Variants in ADAM28 observed in about 807,000 individuals in gnomAD.
ADAM28 encodes the protein disintegrin and metalloproteinase domain-containing protein 28.
Under a neutral mutation model 101.2 loss-of-function variants are expected in ADAM28, and 105 were observed. That is an observed-to-expected ratio of 1.04 (90% CI 0.89 to 1.22). The LOEUF (loss-of-function observed/expected upper bound fraction) is 1.22, where lower values mean the gene tolerates loss of function less well. Among genes scored for constraint, ADAM28 ranks in the 50% most tolerant of loss-of-function variants. The pLI is 0.00. For synonymous variants in ADAM28, 322 were observed against 310.6 expected, an observed-to-expected ratio of 1.04 and a Z score of -0.39; for missense variants, 1,028 against 945.4, an observed-to-expected ratio of 1.09 and a Z score of -1.15.
At chr8:24,352,378 C>T (rs12676485) in intron 21 of ADAM28, among the ~76,000 whole-genome samples, 47,283 of 152,090 alleles carry the variant, frequency 0.31, 8,658 homozygotes, top group Admixed American at 0.42. Flanking sequence ...ATTCTGGAGA[C>T]TGGGAAGTCC....
intron 16 of ADAM28, among the ~76,000 whole-genome samples, chr8:24,342,558 TC>T (rs929903237): frequency 1.3e-5 from 2 of 152,208 alleles, no homozygotes; most frequent in African/African-American, 4.8e-5. Context: ...TTAAACTTAT[TC>T]TTTTCCCCCA....
chr8:24,350,495 G>A (rs558404820), intron 19 of ADAM28, among the ~76,000 whole-genome samples: 1 of 152,120 alleles, frequency 6.6e-6, no homozygotes, highest in East Asian at 1.9e-4. Context: ...ATTTTTAGTA[G>A]AGATGGGGTT....
chr8:24,348,347 A>T (rs1166851036), intron 18 of ADAM28, among the ~76,000 whole-genome samples: 1 of 152,112 alleles, frequency 6.6e-6, no homozygotes, highest in African/African-American at 2.4e-5. Flanking sequence ...CTCACCATCA[A>T]CATCCCCCAT....
At position 24,331,286 on chromosome 8, in the gene ADAM28, T is replaced by G; in HGVS notation, c.1240T>G (p.Leu414Val). ...IISTPICGNQ[L>V]VEMGEDCDCG... is the part of the protein sequence containing the mutation. Reference sequence around the variant, plus strand: ...ATCCACTCCAATTTGTGGGAACCAGTTGGTGGAAATGGGAGAGGACTGTGA... The same window carrying G: ...ATCCACTCCAATTTGTGGGAACCAGGTGGTGGAAATGGGAGAGGACTGTGA... Residue 414 changes from leucine (L) to valine (V), a missense_variant, in exon 12 of 23, where the codon TTG becomes GTG. By Grantham distance (32) the Leu-to-Val change is conservative. Coordinates refer to ENST00000265769, the MANE Select transcript of ADAM28 (RefSeq NM_014265.6). The G allele has an allele frequency of 6.2e-7, 1 of 1,612,636 alleles. No individual in the cohort carries two copies. The highest frequency in any genetic ancestry group is 8.5e-7 in the Non-Finnish European group (1 of 1,179,282).
intron 18 of ADAM28, among the ~76,000 whole-genome samples, chr8:24,345,122 A>G (rs962667510): frequency 1.3e-5 from 2 of 151,322 alleles, no homozygotes; most frequent in Non-Finnish European, 2.9e-5. Context: ...AAATGCTTTT[A>G]GAATTAATTA....
At chr8:24,323,184 A>G (rs10090146) in intron 8 of ADAM28, among the ~76,000 whole-genome samples, 5,442 of 151,916 alleles carry the variant, frequency 0.036, 339 homozygotes, top group African/African-American at 0.12. Flanking sequence ...TGGTAGAAAG[A>G]ACAAAGCAAT....
intron 6 of ADAM28, among the ~76,000 whole-genome samples, chr8:24,318,488 A>G (rs1199501339): frequency 6.6e-6 from 1 of 151,870 alleles, no homozygotes; most frequent in Non-Finnish European, 1.5e-5. Flanking sequence ...TGGCCATCAG[A>G]CGTTTATCTC....
Position 24,339,465 on chromosome 8 carries a change from G to C in ADAM28, c.1568-1G>C, listed in dbSNP as rs199831427. The C allele has an allele frequency of 4.3e-6, 7 of 1,611,382 alleles. No individual in the cohort carries two copies. The highest frequency in any genetic ancestry group is 5.9e-6 in the Non-Finnish European group (7 of 1,178,494). On this transcript the variant is annotated splice_acceptor_variant, in intron 14 of 22. Transcript: ENST00000265769. LOFTEE classifies it high-confidence loss of function. Reference sequence around the variant, plus strand: ...TCCCTGCTGACTGATCCTGGTCCCAGGAACTGAGGTTGCAGATAAGTCATG... The same window carrying C: ...TCCCTGCTGACTGATCCTGGTCCCACGAACTGAGGTTGCAGATAAGTCATG...
chr8:24,294,308 C>A, intron 1 of ADAM28, 113 bp downstream of exon 1: 4 of 1,274,450 alleles, frequency 3.1e-6, no homozygotes, highest in South Asian at 2.6e-5. Flanking sequence ...TCTTTTTTCT[C>A]AATCAATCTT....
chr8:24,325,333 G>C lies in ADAM28; in HGVS notation c.891-1221G>C, dbSNP rs576342634. On this transcript the variant is annotated intron_variant, in intron 9 of 22. Coordinates refer to ENST00000265769, the MANE Select transcript of ADAM28 (RefSeq NM_014265.6). ...AATAAAGATACGATGAAAGGAAATA[G>C]TTGTTCTTCCAGTTATGCAATTAAT... 5.3e-5 allele frequency among the ~76,000 whole-genome samples: 8 copies of C among 152,098 alleles called. No homozygotes were observed. The East Asian group carries it at 1.5e-3, about 29-fold the overall frequency.
chr8:24,334,623 TG>T (rs1436082187), intron 13 of ADAM28, among the ~76,000 whole-genome samples: 4 of 152,232 alleles, frequency 2.6e-5, no homozygotes, highest in African/African-American at 9.6e-5. Context: ...ATTCTCTGAC[TG>T]GAGCTTTGGG....
At chr8:24,339,118 G>A (rs7007529) in intron 14 of ADAM28, among the ~76,000 whole-genome samples, 151,818 of 152,228 alleles carry the variant, frequency 1, 75,705 homozygotes, top group Middle Eastern at 1. Flanking sequence ...TTGAAGCCTG[G>A]GCTCTTAACA....
intron 18 of ADAM28, among the ~76,000 whole-genome samples, chr8:24,347,490 AT>A (rs1030215264): frequency 2.0e-5 from 3 of 151,930 alleles, no homozygotes; most frequent in Non-Finnish European, 4.4e-5. Context: ...TTGGACTGTG[AT>A]TTTTTCATAT....
At chr8:24,345,454 T>A (rs1386629104) in intron 18 of ADAM28, among the ~76,000 whole-genome samples, 1 of 152,090 alleles carries the variant, frequency 6.6e-6, no homozygotes, top group East Asian at 1.9e-4. Context: ...TTTTTAGCAA[T>A]GTTAATTCTC....
chr8:24,305,465 TTTTTTTTTTTTTA>T (rs1393433995), intron 2 of ADAM28, among the ~76,000 whole-genome samples: 1 of 146,140 alleles, frequency 6.8e-6, no homozygotes, highest in African/African-American at 2.5e-5. Context: ...TTTTTTTTTT[TTTTTTTTTTTTTA>T]AAATATGTCT....
intron 16 of ADAM28, 23 bp downstream of exon 16, chr8:24,341,780 A>G: frequency 6.2e-7 from 1 of 1,612,966 alleles, no homozygotes; most frequent in Non-Finnish European, 8.5e-7. Flanking sequence ...TGTGGCTTTC[A>G]CTCAAAATAG....
Position 24,331,236 on chromosome 8 carries a change from A to G in ADAM28, c.1190A>G (p.Asn397Ser), listed in dbSNP as rs780043786. 13 of 1,613,342 alleles carry G rather than the reference A, an allele frequency of 8.1e-6. No homozygotes were observed. In the South Asian group the frequency reaches 1.3e-4, roughly 16 times the overall value. ...GATAAATTATCAAATTGCCTCTTTA[A>G]TGCTCCATTGCCTACAGATATCATA... ...FEDKLSNCLF[N>S]APLPTDIIST... The change falls in exon 12 of 23, where the codon AAT becomes AGT. Residue 397 changes from asparagine to serine, a missense_variant. Physicochemically the swap from Asn to Ser is conservative, Grantham distance 46. Transcript: ENST00000265769.
In ADAM28 at chr8:24,343,539, G is replaced by C; in HGVS notation, c.1945G>C (p.Glu649Gln). ...CDHELQCQCE[E>Q]GWIPPDCDDS... is the part of the protein sequence containing the mutation. The stretch of plus-strand genomic sequence containing the variant: ...CCATGAGCTCCAGTGTCAATGTGAG[G>C]AAGGATGGATCCCTCCCGACTGCGA... Residue 649 changes from glutamate (E) to glutamine (Q), a missense_variant, in exon 18 of 23, where the codon GAA becomes CAA. Transcript: ENST00000265769. 6 of 1,613,830 alleles carry C rather than the reference G, an allele frequency of 3.7e-6. No individual in the cohort carries two copies. Among genetic ancestry groups the C allele is most frequent in the Non-Finnish European group, 4.2e-6 (5 of 1,179,828 alleles).
rs1418283701 is a variant in ADAM28 at position 24,356,810 on chromosome 8, C to T, written c.*2406C>T. 1 of 152,086 alleles carries T rather than the reference C, an allele frequency of 6.6e-6. No individual in the cohort carries two copies. Among genetic ancestry groups the T allele is most frequent in the Non-Finnish European group, 1.5e-5 (1 of 68,016 alleles). 9.4% of individuals were successfully genotyped at this position (152,086 alleles called of 1,614,324 possible). A position where few individuals can be genotyped will look rare whatever the true frequency, so the allele number is the denominator to read the frequency against. On this transcript the variant is annotated 3_prime_UTR_variant, in exon 23 of 23. Coordinates refer to ENST00000265769, the MANE Select transcript of ADAM28 (RefSeq NM_014265.6). ...TAAATTATGTTTTTATCCAGTTACTCTAAGATACCTTAGTGTTTGTCTACT... is the reference window on the plus strand; with the variant it reads ...TAAATTATGTTTTTATCCAGTTACTTTAAGATACCTTAGTGTTTGTCTACT...
Sources: gnomAD v4.1 joint callset for allele counts (sites outside exome capture counted in the v4.1 genomes callset) on GRCh38, gnomAD v4.1.1 for gene constraint, MANE v1.5 for transcripts, NCBI Gene and HGNC (gene_info 2026-07-23, HGNC 2026-07-21) for gene names.